KDM1A: variants seen among roughly 807,000 people sequenced by gnomAD.
KDM1A encodes lysine-specific histone demethylase 1A.
Under a neutral mutation model 109.4 loss-of-function variants are expected in KDM1A, and 49 were observed. The ratio of observed to expected loss-of-function variants is 0.45; its 90% CI spans 0.36 to 0.57. The LOEUF (loss-of-function observed/expected upper bound fraction) is 0.57. Ranked by LOEUF, KDM1A falls within the 20% of genes least tolerant of loss-of-function variation. The pLI is 0.00. For synonymous variants in KDM1A, 380 were observed against 415.4 expected (o/e 0.91, Z 1.04); for missense variants, 668 against 1,116.6 (o/e 0.60, Z 5.73).
chr1:23,049,842 TTCTG>T (rs1217292732), intron 3 of KDM1A, among the ~76,000 whole-genome samples: 8 of 152,204 alleles, frequency 5.3e-5, no homozygotes, highest in Admixed American at 3.9e-4. Flanking sequence ...CCTTGCATTC[TTCTG>T]TCTTATTGTT....
chr1:23,034,589 T>G (rs1642087409), intron 2 of KDM1A, among the ~76,000 whole-genome samples: 1 of 152,232 alleles, frequency 6.6e-6, no homozygotes, highest in South Asian at 2.1e-4. Flanking sequence ...TCTCCAACAC[T>G]TACTTGGCTT....
intron 3 of KDM1A, 125 bp from the exon 4 acceptor site, chr1:23,050,262 T>G: frequency 1.0e-6 from 1 of 982,926 alleles, no homozygotes; most frequent in East Asian, 3.1e-5. Flanking sequence ...GTTTCAGCTT[T>G]TGAGACAATT....
chr1:23,041,832 A>C (rs1642345094), intron 2 of KDM1A, among the ~76,000 whole-genome samples: 1 of 150,944 alleles, frequency 6.6e-6, no homozygotes, highest in East Asian at 1.9e-4. Context: ...ATTTTCCTGC[A>C]TTTTTTTAAA....
intron 18 of KDM1A, among the ~76,000 whole-genome samples, chr1:23,080,574 G>GC (rs796801587): frequency 7.2e-5 from 11 of 152,202 alleles, no homozygotes; most frequent in African/African-American, 2.6e-4. Context: ...TCATTATCTA[G>GC]CTCATCTCTA....
intron 9 of KDM1A, among the ~76,000 whole-genome samples, chr1:23,061,250 G>A (rs184884166): frequency 6.6e-6 from 1 of 152,260 alleles, no homozygotes; most frequent in East Asian, 1.9e-4. Context: ...AATTCAGATG[G>A]TGACTTTTTT....
chr1:23,070,281 G>A (rs2124513666), intron 12 of KDM1A, among the ~76,000 whole-genome samples: 1 of 152,276 alleles, frequency 6.6e-6, no homozygotes. Flanking sequence ...AGATCAGCCT[G>A]GCCAAATGGT....
In KDM1A at chr1:23,057,531, A is replaced by G; in HGVS notation, c.1038A>G (p.Val346=). The G allele has an allele frequency of 6.2e-7, 1 of 1,613,920 alleles. No homozygotes were observed. The highest frequency in any genetic ancestry group is 8.5e-7 in the Non-Finnish European group (1 of 1,179,860). ...RVATFRKGNY[V]ADLGAMVVTG... is the part of the protein sequence containing the mutation. Reference sequence around the variant, plus strand: ...CCACATTTCGCAAAGGAAACTATGTAGCTGATCTTGGAGCCATGGTGGTAA... The same window carrying G: ...CCACATTTCGCAAAGGAAACTATGTGGCTGATCTTGGAGCCATGGTGGTAA... The change falls in exon 8 of 21, where the codon GTA becomes GTG. Residue 346 remains valine (V), a synonymous_variant. Transcript: ENST00000400181.
intron 14 of KDM1A, among the ~76,000 whole-genome samples, 163 bp downstream of exon 14, chr1:23,072,360 C>T (rs1371788076): frequency 6.6e-6 from 1 of 152,078 alleles, no homozygotes; most frequent in Non-Finnish European, 1.5e-5. Context: ...GTTTCTAAAT[C>T]CCCTGCTCCT....
chr1:23,072,837 C>T (rs576981), intron 14 of KDM1A, among the ~76,000 whole-genome samples: 1,668 of 152,184 alleles, frequency 0.011, 42 homozygotes, highest in African/African-American at 0.038. Context: ...GATGGGGTTT[C>T]ACCTGTTGGC....
At position 23,050,536 on chromosome 1, in the gene KDM1A, A is replaced by G; in HGVS notation, c.711+16A>G. ...AAACCGCACAGTAAGTTTCCATTTC[A>G]GCTTTTTCACCTGGATTATAAAAAG... is the stretch of plus-strand genomic sequence containing the variant. On this transcript the variant is annotated intron_variant, in intron 4 of 20. Coordinates refer to ENST00000400181, the MANE Select transcript of KDM1A (RefSeq NM_001009999.3). 1 of 1,587,282 alleles carries G rather than the reference A, an allele frequency of 6.3e-7. No individual in the cohort carries two copies.
chr1:23,083,255 G>A lies in KDM1A; in HGVS notation c.2522G>A (p.Ser841Asn). ...YPATVHGALL[S>N]GLREAGRIAD... ...GCCACAGTGCATGGTGCTCTGCTGA[G>A]TGGGCTGCGAGAAGCGGGAAGAATT... is the stretch of plus-strand genomic sequence containing the variant. The change falls in exon 21 of 21, where the codon AGT becomes AAT. Residue 841 changes from serine (S) to asparagine (N), a missense_variant. By Grantham distance (46) the Ser-to-Asn change is conservative (BLOSUM62 1). Around this residue, in one of 8 missense-constraint regions of KDM1A, gnomAD observed 69 missense variants for 99.6 expected, o/e 0.69. Transcript: ENST00000400181. 6.2e-7 allele frequency: 1 copy of A among 1,614,012 alleles called. No individual in the cohort carries two copies. The highest frequency in any genetic ancestry group is 8.5e-7 in the Non-Finnish European group (1 of 1,179,996).
At chr1:23,021,619 C>G (rs776031498) in intron 1 of KDM1A, among the ~76,000 whole-genome samples, 6 of 152,140 alleles carry the variant, frequency 3.9e-5, no homozygotes, top group Non-Finnish European at 7.3e-5. Flanking sequence ...GAGCCCAGAT[C>G]GTGCCACTGC....
At chr1:23,035,028 A>G (rs1334941261) in intron 2 of KDM1A, among the ~76,000 whole-genome samples, 4 of 152,110 alleles carry the variant, frequency 2.6e-5, no homozygotes, top group Non-Finnish European at 4.4e-5. Flanking sequence ...ATTTTTTTAG[A>G]TGTGATTGGT....
At chr1:23,044,212 A>G (rs1642436410) in intron 2 of KDM1A, 2 of 486,436 alleles carry the variant, frequency 4.1e-6, no homozygotes, top group African/African-American at 2.0e-5. Flanking sequence ...CTGCCTTTCA[A>G]CAAGAATCAA....
chr1:23,035,120 C>G (rs1642103828), intron 2 of KDM1A, among the ~76,000 whole-genome samples: 1 of 152,094 alleles, frequency 6.6e-6, no homozygotes, highest in African/African-American at 2.4e-5. Flanking sequence ...CTTATTTGTA[C>G]CAGAGGAAGC....
intron 1 of KDM1A, among the ~76,000 whole-genome samples, chr1:23,022,480 C>CA (rs1427761616): frequency 6.6e-6 from 1 of 151,648 alleles, no homozygotes; most frequent in African/African-American, 2.4e-5. Flanking sequence ...GGATTATAGG[C>CA]ATGCACCACC....
At position 23,030,501 on chromosome 1, in the gene KDM1A, C is replaced by G. The variant is rs1210084768; in HGVS notation, c.384C>G (p.Ala128=). ...VEYREMDESL[A]NLSEDEYYSE... is the part of the protein sequence containing the mutation. ...ACAGAGAGATGGATGAAAGCTTGGC[C>G]AACCTCTCAGAAGATGAGTATTATT... Residue 128 remains alanine, a synonymous_variant, in exon 2 of 21, where the codon GCC becomes GCG. Transcript: ENST00000400181. 4 of 1,601,066 alleles carry G rather than the reference C, an allele frequency of 2.5e-6. No homozygotes were observed. The South Asian group carries it at 3.4e-5, about 14-fold the overall frequency.
chr1:23,046,452 ATAGTT>A (rs1442535889), intron 3 of KDM1A, among the ~76,000 whole-genome samples: 2 of 152,138 alleles, frequency 1.3e-5, no homozygotes, highest in Non-Finnish European at 2.9e-5. Context: ...AAATCTAGTT[ATAGTT>A]ATCTACTTGA....
At position 23,046,373 on chromosome 1, in the gene KDM1A, C is replaced by T. The variant is rs140427945; in HGVS notation, c.577+1887C>T. Among the ~76,000 whole-genome samples the T allele has an allele frequency of 1.4e-3, 208 of 152,212 alleles. 1 individual carries two copies. The East Asian group carries it at 0.033, about 24-fold the overall frequency. ...CATTCTAGGACTTGATATGATACAT[C>T]TCTAGTTTTCTCATATTAAGTAAAG... On this transcript the variant is annotated intron_variant, in intron 3 of 20. Coordinates refer to ENST00000400181, the MANE Select transcript of KDM1A (RefSeq NM_001009999.3).
Sources: gnomAD v4.1 joint callset for allele counts (sites outside exome capture counted in the v4.1 genomes callset) on GRCh38, gnomAD v4.1.1 for gene constraint, gnomAD v4.1.1 regional missense constraint, MANE v1.5 for transcripts, NCBI Gene and HGNC (gene_info 2026-07-23, HGNC 2026-07-21) for gene names.